Variants in POLK observed in about 807,000 individuals in gnomAD.
POLK encodes the protein DNA polymerase kappa, also known as polymerase (DNA directed) kappa.
Under a neutral mutation model 94.0 loss-of-function variants are expected in POLK, and 76 were observed. The observed-to-expected ratio is 0.81, with a 90% confidence interval of 0.67 to 0.98. The LOEUF is 0.98. POLK is among the 50% of genes least tolerant of loss of function. The pLI is 0.00. For synonymous variants in POLK, 349 were observed against 325.4 expected, an observed-to-expected ratio of 1.07 and a Z score of -0.78; for missense variants, 954 against 1,010.1, an observed-to-expected ratio of 0.94 and a Z score of 0.75.
intron 3 of POLK, among the ~76,000 whole-genome samples, chr5:75,558,229 G>A (rs761364468): frequency 6.4e-5 from 9 of 140,620 alleles, no homozygotes; most frequent in Non-Finnish European, 1.2e-4. Flanking sequence ...TATAATTTTT[G>A]TTGTTGTTTT....
chr5:75,579,685 T>C (rs978032258), intron 6 of POLK, among the ~76,000 whole-genome samples: 1 of 151,968 alleles, frequency 6.6e-6, no homozygotes, highest in Non-Finnish European at 1.5e-5. Flanking sequence ...GTTCTACATT[T>C]TAAAACCAGC....
chr5:75,532,695 T>A (rs1405649834), intron 1 of POLK, among the ~76,000 whole-genome samples: 2 of 152,220 alleles, frequency 1.3e-5, no homozygotes, highest in African/African-American at 4.8e-5. Context: ...CTAATTTACA[T>A]TCCCACCAGT....
chr5:75,538,964 A>G (rs969139844), intron 1 of POLK, among the ~76,000 whole-genome samples: 3 of 151,652 alleles, frequency 2.0e-5, no homozygotes, highest in African/African-American at 7.3e-5. Flanking sequence ...TAGAGATGAG[A>G]TTTCATCATG....
chr5:75,597,795 G>A lies in POLK; in HGVS notation c.2528+6G>A. On this transcript the variant is annotated splice_donor_region_variant and intron_variant, in intron 14 of 14. Transcript: ENST00000241436. The stretch of plus-strand genomic sequence containing the variant: ...GCTGTAACAAGAACAAAAAGGTATG[G>A]CTAATTTGAGCTTTAATAAAGCTGG... The A allele has an allele frequency of 2.0e-6, 3 of 1,486,812 alleles. No homozygotes were observed. The highest frequency in any genetic ancestry group is 2.7e-6 in the Non-Finnish European group (3 of 1,107,014). 92.1% of individuals were successfully genotyped at this position (1,486,812 alleles called of 1,614,324 possible).
intron 2 of POLK, among the ~76,000 whole-genome samples, chr5:75,547,387 T>C (rs1044263697): frequency 1.3e-5 from 2 of 152,122 alleles, no homozygotes; most frequent in South Asian, 4.1e-4. Context: ...ATAATGTATA[T>C]GTTCCTGTTC....
intron 3 of POLK, among the ~76,000 whole-genome samples, chr5:75,562,611 G>C (rs981293440): frequency 6.6e-6 from 1 of 152,174 alleles, no homozygotes; most frequent in Admixed American, 6.5e-5. Context: ...AATGCTTCCA[G>C]CTTTTGTCCA....
chr5:75,589,378 T>TACACACACACAC (rs1178926125), intron 10 of POLK, among the ~76,000 whole-genome samples: 1 of 102,956 alleles, frequency 9.7e-6, no homozygotes, highest in East Asian at 2.6e-4. Flanking sequence ...ATTTTATATA[T>TACACACACACAC]ATACACACAT....
At chr5:75,578,190 G>C (rs5744658) in intron 6 of POLK, among the ~76,000 whole-genome samples, 13,494 of 152,054 alleles carry the variant, frequency 0.089, 668 homozygotes, top group South Asian at 0.14. Flanking sequence ...GGGTCTCACT[G>C]TGTTGCCCAG....
chr5:75,532,739 G>A (rs1769245078), intron 1 of POLK, among the ~76,000 whole-genome samples: 1 of 152,016 alleles, frequency 6.6e-6, no homozygotes, highest in Non-Finnish European at 1.5e-5. Context: ...CTACAACTTT[G>A]CCAGCATCTG....
chr5:75,589,841 A>G (rs999563624), intron 10 of POLK, among the ~76,000 whole-genome samples: 4 of 152,188 alleles, frequency 2.6e-5, no homozygotes, highest in African/African-American at 4.8e-5. Flanking sequence ...CAAAATACCT[A>G]CATTTAATCT....
chr5:75,570,894 C>T (rs1771554174), intron 4 of POLK, among the ~76,000 whole-genome samples: 1 of 152,056 alleles, frequency 6.6e-6, no homozygotes. Context: ...AGTATGCAGG[C>T]AGCTGATAAG....
chr5:75,585,142 T>C (rs1169864034), intron 9 of POLK, among the ~76,000 whole-genome samples: 1 of 152,204 alleles, frequency 6.6e-6, no homozygotes, highest in African/African-American at 2.4e-5. Flanking sequence ...TCAGCAGTTG[T>C]GTAGAGAGAC....
intron 4 of POLK, 58 bp downstream of exon 4, chr5:75,569,550 T>C (rs1278214871): frequency 7.0e-7 from 1 of 1,430,490 alleles, no homozygotes; most frequent in African/African-American, 1.4e-5. Flanking sequence ...TAAGCTTTAC[T>C]GTTTCATGAA....
chr5:75,601,558 G>A (rs922085168), downstream of POLK, among the ~76,000 whole-genome samples: 7 of 152,156 alleles, frequency 4.6e-5, no homozygotes, highest in African/African-American at 1.4e-4. Context: ...AGCATAGCTA[G>A]GATAAAAGCA....
At chr5:75,537,910 G>A (rs1769532475) in intron 1 of POLK, among the ~76,000 whole-genome samples, 1 of 151,692 alleles carries the variant, frequency 6.6e-6, no homozygotes, top group Non-Finnish European at 1.5e-5. Flanking sequence ...AGGTTGGAGT[G>A]CACTGGCGCA....
the POLK span, chr5:75,609,851 C>G: frequency 6.6e-6 from 1 of 152,014 alleles, no homozygotes; most frequent in African/African-American, 2.4e-5. Flanking sequence ...GAATTTAATG[C>G]CTCAAATTTG....
In POLK at chr5:75,573,851, C is replaced by G; in HGVS notation, c.522C>G (p.Tyr174Ter). 6.2e-7 allele frequency: 1 copy of G among 1,613,308 alleles called. No homozygotes were observed. Among genetic ancestry groups the G allele is most frequent in the African/African-American group, 1.3e-5 (1 of 75,006 alleles). ...TAGTGCCCCCCAACTTTGACAAATA[C>G]CGAGCTGTGAGTAAAGAGGTAAGTT... Residue 174 changes from tyrosine to a stop codon, truncating the protein, a stop_gained, in exon 5 of 15, where the codon TAC (tyrosine) becomes TAG (stop). Transcript: ENST00000241436. LOFTEE classifies it high-confidence loss of function.
chr5:75,551,195 A>G lies in POLK; in HGVS notation c.136-1277A>G, dbSNP rs1033197331. 2.0e-5 allele frequency among the ~76,000 whole-genome samples: 3 copies of G among 152,342 alleles called. No individual in the cohort carries two copies. In the East Asian group the frequency reaches 5.8e-4, roughly 29 times the overall value. On this transcript the variant is annotated intron_variant, in intron 2 of 14. Transcript: ENST00000241436. Reference sequence around the variant, plus strand: ...GTTAGGCAGAAATTTCTTAGATGTGATACTAGAAGAACAATCAATAAAAGA... The same window carrying G: ...GTTAGGCAGAAATTTCTTAGATGTGGTACTAGAAGAACAATCAATAAAAGA...
At chr5:75,511,634 T>C, upstream of POLK, 2 of 1,482,508 alleles carry the variant, frequency 1.3e-6, no homozygotes, top group South Asian at 1.3e-5. Flanking sequence ...CTATTTACCC[T>C]CCCCTCCCCT....
Sources: gnomAD v4.1 joint callset for allele counts (sites outside exome capture counted in the v4.1 genomes callset) on GRCh38, gnomAD v4.1.1 for gene constraint, MANE v1.5 for transcripts, NCBI Gene and HGNC (gene_info 2026-07-23, HGNC 2026-07-21) for gene names.